KAZN: variants seen among roughly 807,000 people sequenced by gnomAD.
The protein encoded by KAZN is kazrin.
A neutral mutation model predicts 87.4 loss-of-function variants in KAZN; 40 were observed. The observed-to-expected ratio is 0.46, with a 90% confidence interval of 0.36 to 0.60. The LOEUF (loss-of-function observed/expected upper bound fraction) is 0.60. KAZN is among the 20% of genes least tolerant of loss of function. The pLI is 0.00. For missense variants in KAZN, 898 were observed against 1,073.9 expected, an observed-to-expected ratio of 0.84 and a Z score of 2.29; for synonymous variants, 466 against 458.3, an observed-to-expected ratio of 1.02 and a Z score of -0.22.
intron 2 of KAZN, among the ~76,000 whole-genome samples, chr1:14,326,291 T>A (rs765929811): frequency 6.6e-6 from 1 of 152,064 alleles, no homozygotes; most frequent in South Asian, 2.1e-4. Flanking sequence ...CAAAAAGCCA[T>A]CCTTGTTGTG....
intron 2 of KAZN, among the ~76,000 whole-genome samples, chr1:14,579,606 C>G (rs1479125734): frequency 6.8e-6 from 1 of 146,992 alleles, no homozygotes; most frequent in Non-Finnish European, 1.5e-5. Context: ...GCCTGGGCAA[C>G]ACAGCGAGAC....
intron 1 of KAZN, among the ~76,000 whole-genome samples, chr1:14,631,449 T>C (rs529543281): frequency 6.6e-6 from 1 of 152,322 alleles, no homozygotes; most frequent in East Asian, 1.9e-4. Context: ...CTGGAGAAAC[T>C]GAGCCTCAGA....
intron 1 of KAZN, among the ~76,000 whole-genome samples, chr1:13,951,382 G>T (rs575424626): frequency 6.6e-6 from 1 of 152,080 alleles, no homozygotes; most frequent in Non-Finnish European, 1.5e-5. Context: ...GCTAGTCCAC[G>T]CAAAGCACTT....
intron 1 of KAZN, among the ~76,000 whole-genome samples, chr1:14,119,291 T>A (rs1644700079): frequency 6.6e-6 from 1 of 150,444 alleles, no homozygotes; most frequent in African/African-American, 2.5e-5. Context: ...ATCCGTAGAC[T>A]TTTATCGGGA....
intron 2 of KAZN, among the ~76,000 whole-genome samples, chr1:14,581,421 G>A (rs987042271): frequency 6.6e-6 from 1 of 151,852 alleles, no homozygotes; most frequent in Non-Finnish European, 1.5e-5. Context: ...TCTACCTCTC[G>A]ACTCCATCAC....
At chr1:14,945,517 C>A (rs963073123) in intron 1 of KAZN, among the ~76,000 whole-genome samples, 3 of 152,158 alleles carry the variant, frequency 2.0e-5, no homozygotes, top group African/African-American at 7.2e-5. Context: ...TCCGCACTGG[C>A]GGCCAGTCTG....
At chr1:14,537,601 C>G (rs1672576566) in intron 2 of KAZN, among the ~76,000 whole-genome samples, 1 of 152,174 alleles carries the variant, frequency 6.6e-6, no homozygotes, top group African/African-American at 2.4e-5. Flanking sequence ...ATTTCCAAGC[C>G]TCAGTTCCTA....
intron 1 of KAZN, among the ~76,000 whole-genome samples, chr1:14,719,035 G>A (rs377578615): frequency 2.0e-4 from 30 of 152,172 alleles, no homozygotes; most frequent in Admixed American, 1.9e-3. Context: ...CAAGAACAGC[G>A]GGAACCTGGT....
intron 2 of KAZN, among the ~76,000 whole-genome samples, chr1:15,031,474 T>C (rs1476174605): frequency 6.6e-6 from 1 of 152,178 alleles, no homozygotes; most frequent in Non-Finnish European, 1.5e-5. Flanking sequence ...GTCTGTTCCG[T>C]GCACCAAGGA....
chr1:15,060,640 G>A (rs1638715392), intron 6 of KAZN: 1 of 303,716 alleles, frequency 3.3e-6, no homozygotes, highest in Non-Finnish European at 6.3e-6. Context: ...CAGAGCTCAG[G>A]GCCTCCCCAG....
intron 2 of KAZN, chr1:14,390,668 A>G (rs1388786595): frequency 6.6e-6 from 1 of 152,480 alleles, no homozygotes; most frequent in Non-Finnish European, 1.5e-5. Flanking sequence ...TTTTTAATAA[A>G]CAAATTTATT....
chr1:14,417,814 G>A (rs951888168), intron 2 of KAZN, among the ~76,000 whole-genome samples: 3 of 151,598 alleles, frequency 2.0e-5, no homozygotes, highest in South Asian at 2.1e-4. Flanking sequence ...GGCTAACATG[G>A]TGAAACCCCA....
At chr1:14,457,841 G>A (rs375384359) in intron 2 of KAZN, among the ~76,000 whole-genome samples, 81 of 146,886 alleles carry the variant, frequency 5.5e-4, no homozygotes, top group African/African-American at 1.2e-3. Context: ...TTTTTGAAAC[G>A]GAATCTCGCT....
chr1:14,775,906 C>T (rs899877827), intron 1 of KAZN, among the ~76,000 whole-genome samples: 4 of 152,240 alleles, frequency 2.6e-5, no homozygotes, highest in South Asian at 2.1e-4. Flanking sequence ...TTTCCTACAG[C>T]GGTCGACACC....
exon 2 of KAZN, chr1:14,180,578 T>C (rs774243676): frequency 1.9e-6 from 3 of 1,549,310 alleles, no homozygotes; most frequent in Non-Finnish European, 2.6e-6. Context: ...GAGGCACCTC[T>C]TAATGGATGC....
At chr1:13,906,513 T>C (rs1416287609) in intron 1 of KAZN, among the ~76,000 whole-genome samples, 1 of 152,222 alleles carries the variant, frequency 6.6e-6, no homozygotes, top group Non-Finnish European at 1.5e-5. Flanking sequence ...TGCTGCTGCC[T>C]GGGCTGGACC....
At chr1:15,074,597 A>T in intron 8 of KAZN, among the ~76,000 whole-genome samples, 1 of 152,214 alleles carries the variant, frequency 6.6e-6, no homozygotes, top group Admixed American at 6.5e-5. Flanking sequence ...GACAAGGCCA[A>T]GGCCATGAAT....
chr1:14,396,142 T>C (rs1190322130), intron 2 of KAZN, among the ~76,000 whole-genome samples: 1 of 134,386 alleles, frequency 7.4e-6, no homozygotes, highest in African/African-American at 2.8e-5. Flanking sequence ...CTCTCCAGCC[T>C]GAGCGACAAG....
At chr1:13,924,271 T>C (rs755001742) in intron 1 of KAZN, among the ~76,000 whole-genome samples, 1 of 152,192 alleles carries the variant, frequency 6.6e-6, no homozygotes, top group African/African-American at 2.4e-5. Flanking sequence ...GACTTAGCAG[T>C]AAAACTGTAA....
Sources: gnomAD v4.1 joint callset for allele counts (sites outside exome capture counted in the v4.1 genomes callset) on GRCh38, gnomAD v4.1.1 for gene constraint, MANE v1.5 for transcripts, NCBI Gene and HGNC (gene_info 2026-07-23, HGNC 2026-07-21) for gene names.